Variants in LNX2 observed in about 807,000 individuals in gnomAD.
LNX2 encodes ligand of numb-protein X 2.
In LNX2, 35 loss-of-function variants were observed where a neutral mutation model predicts 66.2. The ratio of observed to expected loss-of-function variants is 0.53; its 90% CI spans 0.40 to 0.70. The LOEUF is 0.70. Among genes scored for constraint, LNX2 ranks in the 30% least tolerant of loss-of-function variants. The probability of loss-of-function intolerance (pLI) is 0.00; values close to 1 mark genes in which losing one functional copy is unlikely to be tolerated. For missense variants in LNX2, 791 were observed against 850.8 expected, an observed-to-expected ratio of 0.93 and a Z score of 0.87; for synonymous variants, 337 against 315.6, an observed-to-expected ratio of 1.07 and a Z score of -0.72.
intron 1 of LNX2, among the ~76,000 whole-genome samples, chr13:27,599,510 T>C (rs1399716723): frequency 6.6e-6 from 1 of 152,220 alleles, no homozygotes; most frequent in Non-Finnish European, 1.5e-5. Context: ...CATTGCAATC[T>C]GAACTTACGA....
At chr13:27,599,337 T>C (rs1955630684) in intron 1 of LNX2, among the ~76,000 whole-genome samples, 2 of 152,334 alleles carry the variant, frequency 1.3e-5, no homozygotes, top group African/African-American at 4.8e-5. Flanking sequence ...AAAGGAGCCT[T>C]TGTTTACTCA....
At chr13:27,560,744 A>G (rs1308284496) in intron 5 of LNX2, among the ~76,000 whole-genome samples, 4 of 152,002 alleles carry the variant, frequency 2.6e-5, no homozygotes, top group South Asian at 2.1e-4. Flanking sequence ...CTTTTAAATT[A>G]TAAGTCTAAT....
At chr13:27,553,154 A>C (rs1294370478) in intron 8 of LNX2, 54 bp downstream of exon 8, 2 of 1,444,872 alleles carry the variant, frequency 1.4e-6, no homozygotes, top group African/African-American at 2.8e-5. Context: ...CACACTGATA[A>C]GGGCTGCAAG....
At chr13:27,566,304 T>C (rs73446839) in intron 4 of LNX2, among the ~76,000 whole-genome samples, 1,577 of 152,158 alleles carry the variant, frequency 0.01, 31 homozygotes, top group African/African-American at 0.036. Context: ...GAATAAGGTG[T>C]TTGCAGGGAA....
intron 1 of LNX2, among the ~76,000 whole-genome samples, chr13:27,583,249 T>TGC (rs1566124848): frequency 2.1e-5 from 1 of 46,770 alleles, no homozygotes; most frequent in East Asian, 7.1e-4. Context: ...TGTGTGTGTG[T>TGC]GTGTGTGCGC....
In LNX2 at chr13:27,556,272, G is replaced by A. The variant is rs780713126; in HGVS notation, c.1510C>T (p.His504Tyr). The change falls in exon 7 of 10, where the codon CAT becomes TAT. Residue 504 changes from histidine (H) to tyrosine (Y), a missense_variant. By Grantham distance (83) the His-to-Tyr change is moderately conservative. Transcript: ENST00000316334. ...LPIFVTSVPP[H>Y]GCLARDGRIK... The stretch of plus-strand genomic sequence containing the variant: ...CTGCCATCTCGTGCAAGGCAGCCAT[G>A]GGGTGGCACACTGGTCACAAAGATG... 8.1e-6 allele frequency: 13 copies of A among 1,613,820 alleles called. No individual in the cohort carries two copies. The highest frequency in any genetic ancestry group is 1.6e-4 in the Middle Eastern group (1 of 6,080).
chr13:27,568,620 G>A (rs1426924216), intron 3 of LNX2, among the ~76,000 whole-genome samples: 2 of 151,906 alleles, frequency 1.3e-5, no homozygotes, highest in Admixed American at 1.3e-4. Context: ...CATCTAAATA[G>A]CTAATACATA....
chr13:27,560,565 G>GTGTGTATGTGTATATAT (rs35007288), intron 5 of LNX2, among the ~76,000 whole-genome samples: 3 of 119,970 alleles, frequency 2.5e-5, no homozygotes, highest in Non-Finnish European at 5.2e-5. Context: ...ATGTATGTGT[G>GTGTGTATGTGTATATAT]TATATATATA....
At chr13:27,601,053 A>C (rs913826665) in intron 1 of LNX2, among the ~76,000 whole-genome samples, 2 of 152,238 alleles carry the variant, frequency 1.3e-5, no homozygotes, top group Non-Finnish European at 2.9e-5. Flanking sequence ...CCAGTGATTT[A>C]TTCCTTCATA....
At chr13:27,583,228 G>GCCTCTCCAATATAAC (rs1555268496) in intron 1 of LNX2, among the ~76,000 whole-genome samples, 2 of 27,834 alleles carry the variant, frequency 7.2e-5, no homozygotes, top group Non-Finnish European at 6.6e-5. Flanking sequence ...GTGTGTGTGT[G>GCCTCTCCAATATAAC]TGTGTGTGTG....
chr13:27,570,912 T>C (rs932326518), intron 2 of LNX2, among the ~76,000 whole-genome samples: 4 of 152,106 alleles, frequency 2.6e-5, no homozygotes, highest in Non-Finnish European at 5.9e-5. Context: ...ACAAACGAAA[T>C]ATGTAAGGCC....
At chr13:27,617,351 G>C (rs938228236) in intron 1 of LNX2, among the ~76,000 whole-genome samples, 2 of 152,146 alleles carry the variant, frequency 1.3e-5, no homozygotes, top group African/African-American at 4.8e-5. Context: ...AATGAGACCT[G>C]TGATTCTTTT....
Position 27,560,563 on chromosome 13 carries a change from G to GTATATATA in LNX2, c.1225-579_1225-578insTATATATA, listed in dbSNP as rs1382726431. Among the ~76,000 whole-genome samples, 384 of 50,876 alleles carry GTATATATA rather than the reference G, an allele frequency of 7.5e-3. 4 individuals carry two copies. The highest frequency in any genetic ancestry group is 0.056 in the African/African-American group (368 of 6,554). The allele number at this position is 50,876 out of a possible 152,430, so 33.4% of individuals were successfully genotyped here. A position where few individuals can be genotyped will look rare whatever the true frequency, so the allele number is the denominator to read the frequency against. On this transcript the variant is annotated intron_variant, in intron 5 of 9. Transcript: ENST00000316334. ...GCATAACAAGACTTTATATGTATGT[G>GTATATATA]TGTATATATATATATATATATAGCA...
intron 2 of LNX2, among the ~76,000 whole-genome samples, chr13:27,578,034 TAATC>T (rs2138384686): frequency 6.6e-6 from 1 of 152,054 alleles, no homozygotes; most frequent in African/African-American, 2.4e-5. Flanking sequence ...CACTAATACA[TAATC>T]AGTTAAAAAT....
intron 2 of LNX2, among the ~76,000 whole-genome samples, chr13:27,570,709 A>C (rs919363615): frequency 6.6e-6 from 1 of 152,228 alleles, no homozygotes; most frequent in Non-Finnish European, 1.5e-5. Flanking sequence ...TGAGGCTAAA[A>C]CTAGACCATA....
intron 2 of LNX2, among the ~76,000 whole-genome samples, chr13:27,576,621 A>G (rs1345272512): frequency 6.6e-6 from 1 of 151,818 alleles, no homozygotes; most frequent in Non-Finnish European, 1.5e-5. Flanking sequence ...AGCTACTCGG[A>G]TGCTGAGGCA....
At chr13:27,616,140 C>A (rs1415826556) in intron 1 of LNX2, among the ~76,000 whole-genome samples, 1 of 116,322 alleles carries the variant, frequency 8.6e-6, no homozygotes, top group Non-Finnish European at 1.6e-5. Flanking sequence ...TTGGTTTGGT[C>A]CAGAAAGGTG....
rs541869773 is a variant in LNX2, at chr13:27,552,599, G to A, written c.1778+609C>T. ...ATCTCAAATGTCAAACAACAACCGC[G>A]GAAAGGAATGTACCCTGGGATGCCA... On this transcript the variant is annotated intron_variant, in intron 8 of 9. Coordinates refer to ENST00000316334, the MANE Select transcript of LNX2 (RefSeq NM_153371.4). Among the ~76,000 whole-genome samples the A allele has an allele frequency of 2.9e-4, 43 of 149,860 alleles. No individual in the cohort carries two copies. In the South Asian group the frequency reaches 8.2e-3, roughly 29 times the overall value.
At chr13:27,565,942 A>C (rs1349148444) in intron 4 of LNX2, among the ~76,000 whole-genome samples, 2 of 152,146 alleles carry the variant, frequency 1.3e-5, no homozygotes, top group Non-Finnish European at 2.9e-5. Flanking sequence ...ATCCTAACCA[A>C]GTTTTTCTTT....
Sources: allele counts gnomAD v4.1 joint callset (sites outside exome capture counted in the v4.1 genomes callset), GRCh38; gene constraint gnomAD v4.1.1; transcripts MANE v1.5; gene names NCBI Gene and HGNC (gene_info 2026-07-23, HGNC 2026-07-21).